The following PTPRD variants were observed in gnomAD, a reference collection of about 807,000 sequenced individuals.
The protein encoded by PTPRD is protein tyrosine phosphatase receptor type D.
In PTPRD, 34 loss-of-function variants were observed where a neutral mutation model predicts 214.5. That is an observed-to-expected ratio of 0.16 (90% CI 0.12 to 0.21). PTPRD has a LOEUF of 0.21. Ranked by LOEUF, PTPRD falls within the 10% of genes least tolerant of loss-of-function variation. The probability of loss-of-function intolerance (pLI) is 1.00; values close to 1 mark genes in which losing one functional copy is unlikely to be tolerated. For missense variants in PTPRD, 2,545 were observed against 2,398.7 expected, an observed-to-expected ratio of 1.06 and a Z score of -1.27; for synonymous variants, 1,128 against 845.7, an observed-to-expected ratio of 1.33 and a Z score of -5.79.
chr9:9,929,082 G>A (rs189955852), intron 5 of PTPRD, among the ~76,000 whole-genome samples: 1 of 152,238 alleles, frequency 6.6e-6, no homozygotes, highest in African/African-American at 2.4e-5. Context: ...CTAAGCAATA[G>A]ATACCATATC....
rs187510202 is a variant in PTPRD, at chr9:8,856,599, T to C, written c.-103-122653A>G. Among the ~76,000 whole-genome samples the C allele has an allele frequency of 4.8e-4, 73 of 152,308 alleles. No individual in the cohort carries two copies. The East Asian group carries it at 0.011, about 24-fold the overall frequency. ...GAGAACGAGCCCTCAGGAATCTTCC[T>C]AGATACTTAAGGTGCAAACTGTAGA... On this transcript the variant is annotated intron_variant, in intron 11 of 45. Coordinates refer to ENST00000381196, the MANE Select transcript of PTPRD (RefSeq NM_002839.4).
intron 3 of PTPRD, among the ~76,000 whole-genome samples, chr9:10,338,539 T>C (rs1322377852): frequency 6.6e-6 from 1 of 151,782 alleles, no homozygotes; most frequent in Non-Finnish European, 1.5e-5. Context: ...TTTTGACTTT[T>C]ATCACATCTA....
rs1587155831 is a variant in PTPRD, at chr9:8,316,009, C to A, written c.*1865G>T. On this transcript the variant is annotated 3_prime_UTR_variant, in exon 46 of 46. Transcript: ENST00000381196. ...GAATATCAAATATATTCCAAAGTTGCCAATGATATTTGTTACTAAAATAAG... is the reference window on the plus strand; with the variant it reads ...GAATATCAAATATATTCCAAAGTTGACAATGATATTTGTTACTAAAATAAG... 1.8e-5 allele frequency: 4 copies of A among 227,630 alleles called. No homozygotes were observed. The Admixed American group carries it at 2.3e-4, about 13-fold the overall frequency. 14.1% of individuals were successfully genotyped at this position (227,630 alleles called of 1,614,324 possible).
chr9:9,407,915 T>G (rs10759066), intron 8 of PTPRD, among the ~76,000 whole-genome samples: 1 of 151,496 alleles, frequency 6.6e-6, no homozygotes, highest in Admixed American at 6.6e-5. Flanking sequence ...GGAAAAATTA[T>G]AGTGTAGTAA....
At chr9:9,194,098 A>T (rs2099936834) in intron 9 of PTPRD, among the ~76,000 whole-genome samples, 1 of 151,948 alleles carries the variant, frequency 6.6e-6, no homozygotes, top group Non-Finnish European at 1.5e-5. Context: ...ACACAAACAC[A>T]CATATTAGCC....
intron 11 of PTPRD, among the ~76,000 whole-genome samples, chr9:8,782,010 A>G (rs892290586): frequency 6.6e-6 from 1 of 151,884 alleles, no homozygotes; most frequent in African/African-American, 2.4e-5. Context: ...AAAACTGTAT[A>G]TATATTATGC....
chr9:9,175,833 G>A (rs1018519519), intron 10 of PTPRD, among the ~76,000 whole-genome samples: 2 of 151,904 alleles, frequency 1.3e-5, no homozygotes, highest in African/African-American at 4.8e-5. Context: ...TTTGGAAAAT[G>A]GGTCATCGAC....
chr9:8,914,969 A>G (rs1296841387), intron 11 of PTPRD, among the ~76,000 whole-genome samples: 3 of 152,152 alleles, frequency 2.0e-5, no homozygotes, highest in African/African-American at 7.2e-5. Flanking sequence ...TGTGAATAAC[A>G]AAAGGAACTA....
intron 9 of PTPRD, among the ~76,000 whole-genome samples, chr9:9,226,218 G>A (rs1345655781): frequency 6.6e-6 from 1 of 151,726 alleles, no homozygotes; most frequent in Non-Finnish European, 1.5e-5. Context: ...GATGCCTTCA[G>A]GGAAATCTAG....
At chr9:9,335,159 G>T (rs1482884144) in intron 9 of PTPRD, among the ~76,000 whole-genome samples, 1 of 151,894 alleles carries the variant, frequency 6.6e-6, no homozygotes, top group Admixed American at 6.6e-5. Context: ...TGTTAGCTTT[G>T]CTATTTTCAA....
At chr9:10,096,467 A>T (rs2098485676) in intron 3 of PTPRD, among the ~76,000 whole-genome samples, 3 of 151,808 alleles carry the variant, frequency 2.0e-5, no homozygotes, top group Admixed American at 1.3e-4. Context: ...TGTGGTTTTG[A>T]TTTGCATTTC....
At chr9:8,505,545 C>T (rs2097525901) in intron 22 of PTPRD, among the ~76,000 whole-genome samples, 1 of 148,426 alleles carries the variant, frequency 6.7e-6, no homozygotes, top group African/African-American at 2.5e-5. Context: ...TGGCGTGAAC[C>T]CAGGAGGCAG....
intron 12 of PTPRD, among the ~76,000 whole-genome samples, chr9:8,637,883 A>G (rs2096481037): frequency 6.6e-6 from 1 of 152,180 alleles, no homozygotes; most frequent in African/African-American, 2.4e-5. Flanking sequence ...AATAAGCCAC[A>G]AAAGCATACT....
intron 10 of PTPRD, among the ~76,000 whole-genome samples, chr9:9,023,668 C>T (rs377034697): frequency 1.3e-5 from 2 of 151,924 alleles, no homozygotes; most frequent in African/African-American, 2.4e-5. Context: ...CTCTCCCTCC[C>T]CCGTCTAATA....
intron 9 of PTPRD, among the ~76,000 whole-genome samples, chr9:9,396,113 T>C (rs2067706883): frequency 1.3e-5 from 2 of 152,058 alleles, no homozygotes; most frequent in East Asian, 1.9e-4. Context: ...CCAGTTCTTT[T>C]TGTATGTGAC....
intron 9 of PTPRD, among the ~76,000 whole-genome samples, chr9:9,374,315 A>T (rs1430706068): frequency 1.3e-5 from 2 of 152,108 alleles, no homozygotes; most frequent in Admixed American, 1.3e-4. Flanking sequence ...TAAGGAATAT[A>T]GTTATATGTA....
At chr9:8,481,425 T>A (rs1264339674) in intron 30 of PTPRD, among the ~76,000 whole-genome samples, 1 of 152,208 alleles carries the variant, frequency 6.6e-6, no homozygotes, top group African/African-American at 2.4e-5. Flanking sequence ...TAATTATACC[T>A]AAATTACACA....
intron 6 of PTPRD, among the ~76,000 whole-genome samples, chr9:9,749,653 T>C (rs539899737): frequency 6.6e-6 from 1 of 152,286 alleles, no homozygotes; most frequent in East Asian, 1.9e-4. Context: ...GGAATGCCTT[T>C]TTAATAATAA....
chr9:10,116,127 T>G (rs890804444), intron 3 of PTPRD, among the ~76,000 whole-genome samples: 1 of 152,108 alleles, frequency 6.6e-6, no homozygotes, highest in African/African-American at 2.4e-5. Flanking sequence ...AAAAACATAA[T>G]TGCTTTTTTT....
Sources: gnomAD v4.1 joint callset for allele counts (sites outside exome capture counted in the v4.1 genomes callset) on GRCh38, gnomAD v4.1.1 for gene constraint, MANE v1.5 for transcripts, NCBI Gene and HGNC (gene_info 2026-07-23, HGNC 2026-07-21) for gene names.